ACTR3C: variants seen among roughly 807,000 people sequenced by gnomAD.
The protein encoded by ACTR3C is actin related protein 3C.
ACTR3C carries 18 observed loss-of-function variants against 26.3 expected under a neutral mutation model. The observed-to-expected ratio is 0.68, with a 90% CI of 0.47 to 1.01. The LOEUF (loss-of-function observed/expected upper bound fraction) is 1.01, where lower values mean the gene tolerates loss of function less well. Ranked by LOEUF, ACTR3C falls within the 50% of genes least tolerant of loss-of-function variation. ACTR3C has a pLI of 0.00. For missense variants in ACTR3C, 184 were observed against 250.7 expected, an observed-to-expected ratio of 0.73 and a Z score of 1.80; for synonymous variants, 55 against 94.5, an observed-to-expected ratio of 0.58 and a Z score of 2.42.
the ACTR3C span, among the ~76,000 whole-genome samples, chr7:149,931,012 C>T: frequency 6.6e-6 from 1 of 152,170 alleles, no homozygotes; most frequent in South Asian, 2.1e-4. Context: ...ATTACAGGCA[C>T]CCGCCACCAT....
At chr7:149,979,296 A>G in the ACTR3C span, among the ~76,000 whole-genome samples, 978 of 152,382 alleles carry the variant, frequency 6.4e-3, 8 homozygotes, top group African/African-American at 0.023. Context: ...TGCAAAAGAT[A>G]GAGTGGGGAG....
the ACTR3C span, among the ~76,000 whole-genome samples, chr7:149,939,531 C>A: frequency 2.6e-5 from 4 of 152,032 alleles, no homozygotes; most frequent in African/African-American, 9.7e-5. Context: ...GAATGACTTC[C>A]CGTTCTCAGG....
the ACTR3C span, among the ~76,000 whole-genome samples, chr7:150,071,932 A>G: frequency 0.47 from 67,738 of 144,586 alleles, 20,681 homozygotes; most frequent in East Asian, 0.78. Context: ...GAGCAGGCGG[A>G]GAGGGGCCTA....
At chr7:150,162,505 G>A in the ACTR3C span, among the ~76,000 whole-genome samples, 1 of 151,954 alleles carries the variant, frequency 6.6e-6, no homozygotes, top group African/African-American at 2.4e-5. Context: ...TTAGTAAAGA[G>A]GGGATTTCAC....
At chr7:150,041,916 G>GT in the ACTR3C span, among the ~76,000 whole-genome samples, 1 of 147,334 alleles carries the variant, frequency 6.8e-6, no homozygotes, top group Non-Finnish European at 1.5e-5. Flanking sequence ...GAGCCAGGGG[G>GT]GGAAGAGGGT....
At chr7:150,041,750 AGG>A in the ACTR3C span, among the ~76,000 whole-genome samples, 4 of 34,036 alleles carry the variant, frequency 1.2e-4, no homozygotes, top group Admixed American at 6.9e-4. Context: ...CCTAAGAGCC[AGG>A]GGGGGGAAGA....
At chr7:150,051,462 G>T in the ACTR3C span, among the ~76,000 whole-genome samples, 21 of 149,620 alleles carry the variant, frequency 1.4e-4, no homozygotes, top group Admixed American at 1.4e-3. Flanking sequence ...CAAAATAGGT[G>T]TAGTGGTTCG....
the ACTR3C span, among the ~76,000 whole-genome samples, chr7:149,936,469 A>G: frequency 3.3e-5 from 5 of 152,184 alleles, no homozygotes; most frequent in South Asian, 1.0e-3. Flanking sequence ...ATTTTAGCAT[A>G]GTTTGTTAGG....
chr7:150,158,738 T>A, the ACTR3C span, among the ~76,000 whole-genome samples: 1 of 152,214 alleles, frequency 6.6e-6, no homozygotes, highest in Non-Finnish European at 1.5e-5. Flanking sequence ...TATAACACTG[T>A]ATTGTGTACT....
the ACTR3C span, among the ~76,000 whole-genome samples, chr7:149,919,046 G>A: frequency 0.077 from 11,687 of 152,234 alleles, 560 homozygotes; most frequent in East Asian, 0.22. Context: ...AAGTTTTCCG[G>A]AATGTGTAAA....
At chr7:150,143,201 G>C in the ACTR3C span, among the ~76,000 whole-genome samples, 2 of 152,018 alleles carry the variant, frequency 1.3e-5, no homozygotes, top group African/African-American at 4.8e-5. Flanking sequence ...TTGGCCAATG[G>C]TACGGAAAGC....
the ACTR3C span, among the ~76,000 whole-genome samples, chr7:149,990,704 A>G: frequency 1.3e-5 from 2 of 149,964 alleles, no homozygotes; most frequent in African/African-American, 4.9e-5. Context: ...GCCTGGGGGA[A>G]CTCAAGATGT....
chr7:150,304,330 C>T (rs971145267), intron 1 of ACTR3C, among the ~76,000 whole-genome samples: 1 of 152,014 alleles, frequency 6.6e-6, no homozygotes, highest in Non-Finnish European at 1.5e-5. Flanking sequence ...TTTTTTATTT[C>T]ACCAGGTTCA....
At chr7:150,019,225 G>A in the ACTR3C span, among the ~76,000 whole-genome samples, 1,540 of 150,338 alleles carry the variant, frequency 0.01, 46 homozygotes, top group Non-Finnish European at 0.016. Flanking sequence ...AGACACTGTC[G>A]GAAATATCTA....
At chr7:150,081,574 T>C in the ACTR3C span, among the ~76,000 whole-genome samples, 1 of 151,468 alleles carries the variant, frequency 6.6e-6, no homozygotes, top group Non-Finnish European at 1.5e-5. Context: ...CTTCACAAGT[T>C]ATTAATATTA....
chr7:150,295,235 A>G lies in ACTR3C; in HGVS notation c.45+17T>C, dbSNP rs1169184693. Reference sequence around the variant, plus strand: ...CAGCTCAGGTGCTTTAGGAATCACAAACATAACTGGTTTTACCTGAACTGC... The same window carrying G: ...CAGCTCAGGTGCTTTAGGAATCACAGACATAACTGGTTTTACCTGAACTGC... On this transcript the variant is annotated intron_variant, in intron 2 of 7. Coordinates refer to ENST00000683684, the MANE Select transcript of ACTR3C (RefSeq NM_001164458.2). 1.1e-5 allele frequency: 18 copies of G among 1,613,632 alleles called. No homozygotes were observed. Among genetic ancestry groups the G allele is most frequent in the Non-Finnish European group, 1.5e-5 (18 of 1,179,630 alleles).
At chr7:150,064,630 C>A in the ACTR3C span, among the ~76,000 whole-genome samples, 1 of 140,614 alleles carries the variant, frequency 7.1e-6, no homozygotes, top group Non-Finnish European at 1.5e-5. Context: ...AAACACTAAT[C>A]ATATTGTTTA....
chr7:150,278,449 T>C (rs2129611678), intron 6 of ACTR3C, among the ~76,000 whole-genome samples: 2 of 152,322 alleles, frequency 1.3e-5, no homozygotes, highest in African/African-American at 4.8e-5. Context: ...GGACTCGGAT[T>C]CTCATACTCC....
At chr7:150,091,970 A>G in the ACTR3C span, among the ~76,000 whole-genome samples, 1 of 115,864 alleles carries the variant, frequency 8.6e-6, no homozygotes, top group Non-Finnish European at 1.7e-5. Flanking sequence ...CCTGGGCGAC[A>G]GAGCGAGACT....
Sources: allele counts gnomAD v4.1 joint callset (sites outside exome capture counted in the v4.1 genomes callset), GRCh38; gene constraint gnomAD v4.1.1; transcripts MANE v1.5; gene names NCBI Gene and HGNC (gene_info 2026-07-23, HGNC 2026-07-21).